The following VPS13B variants were observed in gnomAD, a reference collection of about 807,000 sequenced individuals.
VPS13B encodes the protein vacuolar protein sorting 13 homolog B.
Under a neutral mutation model 426.4 loss-of-function variants are expected in VPS13B, and 285 were observed. The ratio of observed to expected loss-of-function variants is 0.67; its 90% CI spans 0.61 to 0.74. The LOEUF (loss-of-function observed/expected upper bound fraction) is 0.74. Ranked by LOEUF, VPS13B falls within the 30% of genes least tolerant of loss-of-function variation. VPS13B has a pLI of 0.00. For synonymous variants in VPS13B, 1,676 were observed against 1,676.4 expected (o/e 1.00, Z 0.01); for missense variants, 4,537 against 4,782.6 (o/e 0.95, Z 1.51).
chr8:99,210,794 T>C (rs1390804066), intron 17 of VPS13B, among the ~76,000 whole-genome samples: 1 of 152,046 alleles, frequency 6.6e-6, no homozygotes, highest in Non-Finnish European at 1.5e-5. Context: ...GATGGAGTTT[T>C]GCCATGTTGC....
At chr8:99,023,294 A>G (rs931003483) in intron 2 of VPS13B, among the ~76,000 whole-genome samples, 1 of 151,288 alleles carries the variant, frequency 6.6e-6, no homozygotes, top group Non-Finnish European at 1.5e-5. Context: ...TATACTCTCT[A>G]CTTCTATGAT....
intron 50 of VPS13B, among the ~76,000 whole-genome samples, chr8:99,823,524 C>T (rs560005952): frequency 6.6e-6 from 1 of 152,228 alleles, no homozygotes; most frequent in East Asian, 1.9e-4. Context: ...CATATACATG[C>T]TTTCTAAATA....
intron 51 of VPS13B, among the ~76,000 whole-genome samples, chr8:99,830,157 T>C (rs917093270): frequency 6.6e-5 from 10 of 152,158 alleles, no homozygotes; most frequent in African/African-American, 2.4e-4. Context: ...CTCTTCAGAG[T>C]TGGCAGTCAG....
intron 39 of VPS13B, among the ~76,000 whole-genome samples, chr8:99,736,441 G>C (rs1307982116): frequency 6.6e-6 from 1 of 152,160 alleles, no homozygotes; most frequent in Non-Finnish European, 1.5e-5. Flanking sequence ...GGGTGTGGTG[G>C]CACGTGCCTG....
intron 43 of VPS13B, among the ~76,000 whole-genome samples, chr8:99,793,813 C>A (rs558109969): frequency 3.9e-5 from 6 of 152,312 alleles, no homozygotes; most frequent in Non-Finnish European, 8.8e-5. Context: ...AATTTGAAGC[C>A]ATAAATACCT....
At chr8:99,159,895 G>T (rs533808378) in intron 15 of VPS13B, among the ~76,000 whole-genome samples, 1 of 152,206 alleles carries the variant, frequency 6.6e-6, no homozygotes, top group Non-Finnish European at 1.5e-5. Flanking sequence ...CTGAGCTCAA[G>T]CTATCTGCCT....
chr8:99,556,564 A>G lies in VPS13B; in HGVS notation c.4860A>G (p.Lys1620=). ...GTACTGCACAGTGGCATCAACTAAA[A>G]CCAGAGAAGGAAAGTGTCTCAGGAG... is the stretch of plus-strand genomic sequence containing the variant. ...NIGTAQWHQL[K]PEKESVSGGV... The change falls in exon 31 of 62, where the codon AAA becomes AAG. Residue 1620 remains lysine, a synonymous_variant. Transcript: ENST00000357162. The G allele has an allele frequency of 6.2e-7, 1 of 1,613,336 alleles. No homozygotes were observed. Among genetic ancestry groups the G allele is most frequent in the Non-Finnish European group, 8.5e-7 (1 of 1,179,556 alleles).
chr8:99,032,969 T>C (rs1230449592), intron 2 of VPS13B, among the ~76,000 whole-genome samples: 1 of 152,212 alleles, frequency 6.6e-6, no homozygotes, highest in Non-Finnish European at 1.5e-5. Flanking sequence ...TCCATTTTCT[T>C]CTGCTGCTTG....
chr8:99,173,479 C>T (rs113504167), intron 16 of VPS13B, among the ~76,000 whole-genome samples: 202 of 152,220 alleles, frequency 1.3e-3, no homozygotes, highest in African/African-American at 4.4e-3. Context: ...TACAACTGCC[C>T]TGTTCTTCGT....
At chr8:99,119,871 G>GT (rs889589362) in intron 7 of VPS13B, among the ~76,000 whole-genome samples, 30 of 147,958 alleles carry the variant, frequency 2.0e-4, no homozygotes, top group South Asian at 4.3e-4. Context: ...TTTCCATGGT[G>GT]TTTTTTTTTT....
intron 31 of VPS13B, among the ~76,000 whole-genome samples, chr8:99,560,973 T>C (rs992007316): frequency 3.3e-5 from 5 of 152,240 alleles, no homozygotes; most frequent in African/African-American, 1.2e-4. Context: ...CTATTTGTTC[T>C]TTAATTCATT....
At chr8:99,567,281 G>C (rs1825234994) in intron 31 of VPS13B, among the ~76,000 whole-genome samples, 1 of 151,994 alleles carries the variant, frequency 6.6e-6, no homozygotes, top group South Asian at 2.1e-4. Context: ...CCAGGTTATA[G>C]ATATAAACAA....
At chr8:99,096,880 C>T (rs543387888) in intron 4 of VPS13B, among the ~76,000 whole-genome samples, 1 of 152,170 alleles carries the variant, frequency 6.6e-6, no homozygotes, top group South Asian at 2.1e-4. Context: ...CAAATTGGGT[C>T]CTGGGATTAC....
intron 19 of VPS13B, among the ~76,000 whole-genome samples, chr8:99,351,668 TATATA>T (rs1419424850): frequency 6.6e-6 from 1 of 152,032 alleles, no homozygotes; most frequent in African/African-American, 2.4e-5. Context: ...ATTATTTTAT[TATATA>T]ATAAATTACT....
At chr8:99,451,210 G>GT (rs1818179727) in intron 23 of VPS13B, among the ~76,000 whole-genome samples, 1 of 152,062 alleles carries the variant, frequency 6.6e-6, no homozygotes, top group African/African-American at 2.4e-5. Context: ...AAGGGTGTCT[G>GT]TTTTTTTCTT....
At chr8:99,142,080 T>G (rs1810457658) in intron 12 of VPS13B, among the ~76,000 whole-genome samples, 1 of 151,950 alleles carries the variant, frequency 6.6e-6, no homozygotes, top group Non-Finnish European at 1.5e-5. Context: ...AATCAATCAA[T>G]TAATCTAATT....
chr8:99,795,234 C>T (rs1812745770), intron 43 of VPS13B, among the ~76,000 whole-genome samples: 1 of 152,212 alleles, frequency 6.6e-6, no homozygotes, highest in Non-Finnish European at 1.5e-5. Context: ...AAATTTTCTA[C>T]TTTCCATGTT....
chr8:99,819,341 T>A, intron 47 of VPS13B, 71 bp from the exon 48 acceptor site: 1 of 1,544,672 alleles, frequency 6.5e-7, no homozygotes, highest in Non-Finnish European at 8.9e-7. Context: ...TGTAGTTAGA[T>A]ATTTTTCAAT....
chr8:99,875,051 T>C (rs370300462), intron 61 of VPS13B: 4 of 326,196 alleles, frequency 1.2e-5, no homozygotes, highest in East Asian at 1.6e-4. Context: ...GAATAGATGA[T>C]TTATGTGGAG....
Sources: allele counts gnomAD v4.1 joint callset (sites outside exome capture counted in the v4.1 genomes callset), GRCh38; gene constraint gnomAD v4.1.1; transcripts MANE v1.5; gene names NCBI Gene and HGNC (gene_info 2026-07-23, HGNC 2026-07-21).